PIP5K1C: variants seen among roughly 807,000 people sequenced by gnomAD.
The protein encoded by PIP5K1C is phosphatidylinositol 4-phosphate 5-kinase type-1 gamma.
In PIP5K1C, 45 loss-of-function variants were observed where a neutral mutation model predicts 80.1. The observed-to-expected ratio is 0.56, with a 90% CI of 0.44 to 0.72. The LOEUF (loss-of-function observed/expected upper bound fraction) is 0.72. Among genes scored for constraint, PIP5K1C ranks in the 30% least tolerant of loss-of-function variants. PIP5K1C has a pLI of 0.00. For missense variants in PIP5K1C, 753 were observed against 954.6 expected (o/e 0.79, Z 2.78); for synonymous variants, 498 against 420.1 (o/e 1.19, Z -2.27).
intron 6 of PIP5K1C, among the ~76,000 whole-genome samples, chr19:3,654,683 G>A (rs980089908): frequency 2.6e-5 from 4 of 151,970 alleles, no homozygotes; most frequent in Non-Finnish European, 4.4e-5. Context: ...GAGTGGTGGC[G>A]CATGCCTGTA....
At chr19:3,659,697 G>T (rs2034764024) in intron 5 of PIP5K1C, among the ~76,000 whole-genome samples, 1 of 151,768 alleles carries the variant, frequency 6.6e-6, no homozygotes, top group African/African-American at 2.4e-5. Flanking sequence ...CCGGGCACCT[G>T]AACAGGCTGG....
Position 3,638,820 on chromosome 19 carries a change from T to C in PIP5K1C, c.1920+64A>G, listed in dbSNP as rs547647149. Reference sequence around the variant, plus strand: ...GTGTGTGTATGCGGTGTGCACACGGTGGAGCGTGTGTGAGAGAGAGTCCGG... The same window carrying C: ...GTGTGTGTATGCGGTGTGCACACGGCGGAGCGTGTGTGAGAGAGAGTCCGG... On this transcript the variant is annotated intron_variant, in intron 16 of 17. Transcript: ENST00000335312. The C allele has an allele frequency of 1.2e-3, 1,910 of 1,604,704 alleles. 1 individual carries two copies. Among genetic ancestry groups the C allele is most frequent in the Non-Finnish European group, 1.4e-3 (1,632 of 1,175,300 alleles).
chr19:3,674,345 T>A (rs944005641), intron 1 of PIP5K1C: 1 of 152,340 alleles, frequency 6.6e-6, no homozygotes, highest in Non-Finnish European at 1.5e-5. Context: ...GAAACAGATC[T>A]CGGCTCACTA....
rs1359150273 is a variant in PIP5K1C at position 3,692,573 on chromosome 19, C to T, written c.94+7724G>A. The stretch of plus-strand genomic sequence containing the variant: ...TCCCAGATGGCGCACTGCTCATGGT[C>T]CCCACCTGGCCCAGCCCCAGCTTCG... On this transcript the variant is annotated intron_variant, in intron 1 of 17. Transcript: ENST00000335312. The surrounding 1 kb of genome is among the most constrained non-coding windows in gnomAD (Gnocchi z 5.2). Among the ~76,000 whole-genome samples, 1 of 152,150 alleles carries T rather than the reference C, an allele frequency of 6.6e-6. No homozygotes were observed. Among genetic ancestry groups the T allele is most frequent in the Non-Finnish European group, 1.5e-5 (1 of 68,016 alleles).
At chr19:3,684,448 T>G (rs566788092) in intron 1 of PIP5K1C, among the ~76,000 whole-genome samples, 1 of 152,088 alleles carries the variant, frequency 6.6e-6, no homozygotes, top group Non-Finnish European at 1.5e-5. Flanking sequence ...AGAAGTGACA[T>G]GGGGGGAATT....
intron 1 of PIP5K1C, among the ~76,000 whole-genome samples, chr19:3,680,731 C>A (rs2035566300): frequency 6.6e-6 from 1 of 152,224 alleles, no homozygotes; most frequent in Non-Finnish European, 1.5e-5. Flanking sequence ...AGTCAGGGGT[C>A]AGCAAACTTT....
At chr19:3,699,373 T>C (rs1448720251) in intron 1 of PIP5K1C, among the ~76,000 whole-genome samples, 1 of 151,392 alleles carries the variant, frequency 6.6e-6, no homozygotes, top group Non-Finnish European at 1.5e-5. Flanking sequence ...ACTCTCTCTC[T>C]CTCCAGACAT....
chr19:3,651,011 C>T (rs1215491187), intron 8 of PIP5K1C, among the ~76,000 whole-genome samples: 5 of 151,772 alleles, frequency 3.3e-5, no homozygotes, highest in Non-Finnish European at 7.4e-5. Context: ...CTGCCTCAGC[C>T]TCCCAAAGTG....
At chr19:3,645,370 C>A (rs1053888349) in intron 11 of PIP5K1C, among the ~76,000 whole-genome samples, 4 of 152,226 alleles carry the variant, frequency 2.6e-5, no homozygotes, top group African/African-American at 9.6e-5. Context: ...GAGGTCTGCA[C>A]AGGGGCCTGG....
intron 10 of PIP5K1C, among the ~76,000 whole-genome samples, chr19:3,646,638 G>A (rs551094226): frequency 6.6e-6 from 1 of 152,336 alleles, no homozygotes; most frequent in African/African-American, 2.4e-5. Flanking sequence ...ATCTGCCCTG[G>A]GCAGCAGGTT....
At position 3,661,865 on chromosome 19, in the gene PIP5K1C, G is replaced by A. The variant is rs755606986; in HGVS notation, c.350+6C>T. On this transcript the variant is annotated splice_donor_region_variant and intron_variant, in intron 4 of 17. Transcript: ENST00000335312. The stretch of plus-strand genomic sequence containing the variant: ...TGAGCCCTGAGGCTCCGGGGGCCCG[G>A]CCCACCTGGGGAAGAAGATGCTCTC... 4 of 1,611,314 alleles carry A rather than the reference G, an allele frequency of 2.5e-6. No homozygotes were observed. The highest frequency in any genetic ancestry group is 3.4e-6 in the Non-Finnish European group (4 of 1,179,930).
At chr19:3,670,440 G>A (rs144851531) in intron 1 of PIP5K1C, among the ~76,000 whole-genome samples, 1 of 152,322 alleles carries the variant, frequency 6.6e-6, no homozygotes, top group Non-Finnish European at 1.5e-5. Flanking sequence ...TCCAGGCCCT[G>A]AAACGCCAAG....
At chr19:3,663,900 A>T (rs1215354785) in intron 3 of PIP5K1C, among the ~76,000 whole-genome samples, 1 of 152,230 alleles carries the variant, frequency 6.6e-6, no homozygotes, top group African/African-American at 2.4e-5. Context: ...GAACACATGT[A>T]TCCACACAGA....
In PIP5K1C at chr19:3,660,961, C is replaced by G; in HGVS notation, c.468+5G>C. 1 of 1,605,996 alleles carries G rather than the reference C, an allele frequency of 6.2e-7. No homozygotes were observed. The highest frequency in any genetic ancestry group is 8.5e-7 in the Non-Finnish European group (1 of 1,172,764). On this transcript the variant is annotated splice_donor_5th_base_variant and intron_variant, in intron 5 of 17. Transcript: ENST00000335312. ...CTGGAAGCCCGTAACAGCAAATATGCTTACCAAGTAATCATCTGGCCGGAT... is the reference window on the plus strand; with the variant it reads ...CTGGAAGCCCGTAACAGCAAATATGGTTACCAAGTAATCATCTGGCCGGAT...
At chr19:3,633,258 A>G (rs958126736) in intron 17 of PIP5K1C, 89 bp from the exon 18 acceptor site, 2 of 701,314 alleles carry the variant, frequency 2.9e-6, no homozygotes, top group Admixed American at 2.1e-5. Context: ...GGGCCAACAC[A>G]GGCCCTGAGA....
At position 3,696,081 on chromosome 19, in the gene PIP5K1C, C is replaced by T. The variant is rs937477989; in HGVS notation, c.94+4216G>A. 6.6e-6 allele frequency among the ~76,000 whole-genome samples: 1 copy of T among 152,064 alleles called. No homozygotes were observed. Among genetic ancestry groups the T allele is most frequent in the Non-Finnish European group, 1.5e-5 (1 of 67,992 alleles). On this transcript the variant is annotated intron_variant, in intron 1 of 17. Coordinates refer to ENST00000335312, the MANE Select transcript of PIP5K1C (RefSeq NM_012398.3). This position sits in a 1 kb window ranked among gnomAD's most constrained non-coding sequence, Gnocchi z 4.1. ...CACAGCTACAGGGAGGCCCTGGTGG[C>T]GGTGCTGACTCCCTGCCCGGCCGCC...
chr19:3,666,313 G>A (rs1463942124), intron 2 of PIP5K1C, among the ~76,000 whole-genome samples: 1 of 152,234 alleles, frequency 6.6e-6, no homozygotes, highest in East Asian at 1.9e-4. Flanking sequence ...CTCAGAGGAC[G>A]GCCCACCCCA....
chr19:3,664,105 G>A (rs1039820138), intron 3 of PIP5K1C, among the ~76,000 whole-genome samples: 1 of 152,220 alleles, frequency 6.6e-6, no homozygotes, highest in African/African-American at 2.4e-5. Flanking sequence ...CACTCAGTGA[G>A]AGACGCCAGA....
chr19:3,663,510 G>T (rs1459395024), intron 3 of PIP5K1C, among the ~76,000 whole-genome samples: 1 of 152,182 alleles, frequency 6.6e-6, no homozygotes, highest in Non-Finnish European at 1.5e-5. Flanking sequence ...CCATGCCACT[G>T]GGCACCAAGG....
Sources: gnomAD v4.1 joint callset for allele counts (sites outside exome capture counted in the v4.1 genomes callset) on GRCh38, gnomAD v4.1.1 for gene constraint, Gnocchi (gnomAD v3.1) non-coding constraint, MANE v1.5 for transcripts, NCBI Gene and HGNC (gene_info 2026-07-23, HGNC 2026-07-21) for gene names.